ZNF347: variants seen among roughly 807,000 people sequenced by gnomAD.
The protein encoded by ZNF347 is zinc finger protein 347.
A neutral mutation model predicts 12.9 loss-of-function variants in ZNF347; 19 were observed. The observed-to-expected ratio is 1.47, with a 90% CI of 1.03 to 2.16. The LOEUF (loss-of-function observed/expected upper bound fraction) is 2.16, where lower values mean the gene tolerates loss of function less well. Among genes scored for constraint, ZNF347 ranks in the 30% most tolerant of loss-of-function variants. The pLI, the probability that ZNF347 is intolerant of heterozygous loss-of-function variation, is 0.00. For missense variants in ZNF347, 1,005 were observed against 990.6 expected, an observed-to-expected ratio of 1.01 and a Z score of -0.19; for synonymous variants, 328 against 340.6, an observed-to-expected ratio of 0.96 and a Z score of 0.41.
chr19:53,144,954 C>T (rs2090453167), intron 4 of ZNF347, among the ~76,000 whole-genome samples: 1 of 151,646 alleles, frequency 6.6e-6, no homozygotes, highest in South Asian at 2.1e-4. Flanking sequence ...TTTCTGACCA[C>T]AATAAAATAA....
At chr19:53,146,235 A>C (rs2146805107) in intron 4 of ZNF347, among the ~76,000 whole-genome samples, 1 of 152,124 alleles carries the variant, frequency 6.6e-6, no homozygotes, top group African/African-American at 2.4e-5. Context: ...TTAGTCTCCC[A>C]AAGTGCTGGG....
rs760720813 is a variant in ZNF347, at chr19:53,149,359, C to T, written c.24G>A (p.Val8=). 5.0e-6 allele frequency: 8 copies of T among 1,613,878 alleles called. No individual in the cohort carries two copies. In the Admixed American group the frequency reaches 5.0e-5, roughly 10 times the overall value. The part of the protein sequence containing the change: MALTQGQ[V]TFRDVAIEFS... ...ATTCTATAGCCACATCCCTGAATGTCACCTGTCCCTAAAATGAAAAACACA... is the reference window on the plus strand; with the variant it reads ...ATTCTATAGCCACATCCCTGAATGTTACCTGTCCCTAAAATGAAAAACACA... Residue 8 remains valine (V), a synonymous_variant, in exon 3 of 5, where the codon GTG becomes GTA. Coordinates refer to ENST00000334197, the MANE Select transcript of ZNF347 (RefSeq NM_032584.3).
At chr19:53,156,473 C>T (rs1462783730) in intron 1 of ZNF347, among the ~76,000 whole-genome samples, 3 of 152,182 alleles carry the variant, frequency 2.0e-5, no homozygotes, top group Admixed American at 1.3e-4. Context: ...CTGCCCCTCA[C>T]TTCAGACACA....
chr19:53,158,586 G>C (rs2090551059), intron 1 of ZNF347: 1 of 152,206 alleles, frequency 6.6e-6, no homozygotes, highest in African/African-American at 2.4e-5. Flanking sequence ...GGGGTGGAGG[G>C]CGCGGTGCGG....
intron 4 of ZNF347, among the ~76,000 whole-genome samples, chr19:53,147,395 A>C (rs1176404734): frequency 1.3e-5 from 2 of 151,354 alleles, no homozygotes; most frequent in African/African-American, 4.9e-5. Context: ...AAACAAACAA[A>C]CAAAAAAACA....
At chr19:53,154,343 G>C (rs894835981) in intron 1 of ZNF347, among the ~76,000 whole-genome samples, 1 of 151,944 alleles carries the variant, frequency 6.6e-6, no homozygotes, top group Non-Finnish European at 1.5e-5. Context: ...AATAAATTTA[G>C]CCAGGCACGG....
At position 53,140,480 on chromosome 19, in the gene ZNF347, T is replaced by C. The variant is rs573890584; in HGVS notation, c.2348A>G (p.His783Arg). Reference sequence around the variant, plus strand: ...TTTCTCTCCGGTATGAATTCTCTGATGCCTTGCAAGTTTTGAAGTTTGACT... The same window carrying C: ...TTTCTCTCCGGTATGAATTCTCTGACGCCTTGCAAGTTTTGAAGTTTGACT... Reference protein sequence around the residue: ...AFSQTSKLARHQRIHTGEKPY... With the variant: ...AFSQTSKLARRQRIHTGEKPY... Residue 783 changes from histidine to arginine, a missense_variant, in exon 5 of 5, where the codon CAT becomes CGT. Physicochemically the swap from His to Arg is conservative, Grantham distance 29. Transcript: ENST00000334197. 6.5e-5 allele frequency: 105 copies of C among 1,613,818 alleles called. No homozygotes were observed. The highest frequency in any genetic ancestry group is 1.6e-4 in the Middle Eastern group (1 of 6,084).
intron 4 of ZNF347, among the ~76,000 whole-genome samples, chr19:53,143,605 G>A (rs10408593): frequency 0.22 from 33,664 of 150,640 alleles, 4,351 homozygotes; most frequent in African/African-American, 0.35. Flanking sequence ...TATGTGCCAC[G>A]TTTTCTTAAT....
In ZNF347 at chr19:53,135,313, T is replaced by G. The variant is rs1599847457; in HGVS notation, c.*4995A>C. Reference sequence around the variant, plus strand: ...CCCATTTTCTAAATATATATATATATATATATATATATATATATATATATA... The same window carrying G: ...CCCATTTTCTAAATATATATATATAGATATATATATATATATATATATATA... On this transcript the variant is annotated 3_prime_UTR_variant, in exon 5 of 5. Transcript: ENST00000334197. The G allele has an allele frequency of 2.2e-4, 1 of 4,534 alleles. No individual in the cohort carries two copies. Among genetic ancestry groups the G allele is most frequent in the Non-Finnish European group, 7.2e-4 (1 of 1,382 alleles). 0.3% of individuals were successfully genotyped at this position (4,534 alleles called of 1,614,324 possible).
At position 53,142,275 on chromosome 19, in the gene ZNF347, C is replaced by G. The variant is rs184499009; in HGVS notation, c.553G>C (p.Gly185Arg). 80 of 1,613,682 alleles carry G rather than the reference C, an allele frequency of 5.0e-5. 1 individual carries two copies. In the East Asian group the frequency reaches 1.6e-3, roughly 33 times the overall value. ...GGCAGATGTGACTGAAGGCTTAATC[C>G]AAGCTGATTTTTAATAAGCTTGTTT... ...ARNKLIKNQL[G>R]LSLQSHLPEL... Residue 185 changes from glycine (G) to arginine (R), a missense_variant, in exon 5 of 5, where the codon GGA becomes CGA. Gly to Arg is a moderately radical substitution (Grantham distance 125). Coordinates refer to ENST00000334197, the MANE Select transcript of ZNF347 (RefSeq NM_032584.3).
chr19:53,153,831 G>T, intron 1 of ZNF347, 38 bp from the exon 2 acceptor site: 3 of 1,517,872 alleles, frequency 2.0e-6, no homozygotes, highest in South Asian at 1.1e-5. Context: ...AGTCAATATT[G>T]AATATCCAAA....
Position 53,140,622 on chromosome 19 carries a change from GT to G in ZNF347, c.2205del (p.Lys735AsnfsTer71), listed in dbSNP as rs747329533. The G allele has an allele frequency of 1.9e-6, 3 of 1,613,596 alleles. No homozygotes were observed. Among genetic ancestry groups the G allele is most frequent in the South Asian group, 2.2e-5 (2 of 91,058 alleles). ...TTCCCACACTCATTGCATTTGTAAG[GT>G]TTTTTTCCAGTATGGATTGCCTGAT... ...TTHQAIHTGK[K>X]PYKCNECGKV... is the part of the protein sequence containing the mutation. On this transcript the variant is annotated frameshift_variant, in exon 5 of 5. Coordinates refer to ENST00000334197, the MANE Select transcript of ZNF347 (RefSeq NM_032584.3). LOFTEE classifies it low-confidence loss of function (END_TRUNC).
intron 4 of ZNF347, among the ~76,000 whole-genome samples, chr19:53,143,378 TC>T (rs1184364000): frequency 1.1e-3 from 72 of 66,228 alleles, no homozygotes; most frequent in African/African-American, 4.0e-3. Flanking sequence ...CCCTCCCCCC[TC>T]CCCCCACCCC....
rs147340759 is a variant in ZNF347 at position 53,141,889 on chromosome 19, G to C, written c.939C>G (p.Gly313=). The C allele has an allele frequency of 6.2e-7, 1 of 1,612,790 alleles. No homozygotes were observed. Among genetic ancestry groups the C allele is most frequent in the Non-Finnish European group, 8.5e-7 (1 of 1,179,566 alleles). The change falls in exon 5 of 5, where the codon GGC becomes GGG. Residue 313 remains glycine (G), a synonymous_variant. Coordinates refer to ENST00000334197, the MANE Select transcript of ZNF347 (RefSeq NM_032584.3). ...ACTCATTACATTTGTAACGTTTTTCGCCAGTATGGATCACCTGATGGGTAG... is the reference window on the plus strand; with the variant it reads ...ACTCATTACATTTGTAACGTTTTTCCCCAGTATGGATCACCTGATGGGTAG... The part of the protein sequence containing the change: ...NLTTHQVIHT[G]EKRYKCNECG...
chr19:53,156,946 C>T (rs2090539791), intron 1 of ZNF347, among the ~76,000 whole-genome samples: 1 of 152,076 alleles, frequency 6.6e-6, no homozygotes. Flanking sequence ...CACACATTTT[C>T]GTGAGTGGAG....
Position 53,149,303 on chromosome 19 carries a change from G to A in ZNF347, c.80C>T (p.Pro27Leu), listed in dbSNP as rs138834414. The change falls in exon 3 of 5, where the codon CCC becomes CTC. Residue 27 changes from proline to leucine, a missense_variant. Transcript: ENST00000334197. Reference sequence around the variant, plus strand: ...GTCCCTGTACAAAGTCCTCTGAGCGGGGTCCAGGCATGTCCACTCCTCCTG... The same window carrying A: ...GTCCCTGTACAAAGTCCTCTGAGCGAGGTCCAGGCATGTCCACTCCTCCTG... ...FSQEEWTCLD[P>L]AQRTLYRDVM... 1.1e-5 allele frequency: 17 copies of A among 1,613,842 alleles called. No homozygotes were observed. The African/African-American group carries it at 2.1e-4, about 20-fold the overall frequency.
rs1366642938 is a variant in ZNF347 at position 53,135,550 on chromosome 19, T to C, written c.*4758A>G. The C allele has an allele frequency of 6.6e-6, 1 of 152,056 alleles. No homozygotes were observed. The highest frequency in any genetic ancestry group is 6.6e-5 in the Admixed American group (1 of 15,258). 9.4% of individuals were successfully genotyped at this position (152,056 alleles called of 1,614,324 possible). On this transcript the variant is annotated 3_prime_UTR_variant, in exon 5 of 5. Coordinates refer to ENST00000334197, the MANE Select transcript of ZNF347 (RefSeq NM_032584.3). Reference sequence around the variant, plus strand: ...ATCACACCCAGCTAATTTTTGTATTTTTAGTAGAGACGGGGTTTCACCATG... The same window carrying C: ...ATCACACCCAGCTAATTTTTGTATTCTTAGTAGAGACGGGGTTTCACCATG...
chr19:53,158,428 C>T (rs373378709), intron 1 of ZNF347, among the ~76,000 whole-genome samples: 56 of 152,212 alleles, frequency 3.7e-4, no homozygotes, highest in African/African-American at 1.3e-3. Context: ...ACCTCGCGGG[C>T]GAGGACTTTA....
In ZNF347 at chr19:53,141,360, A is replaced by C; in HGVS notation, c.1468T>G (p.Cys490Gly). 6.2e-7 allele frequency: 1 copy of C among 1,613,986 alleles called. No homozygotes were observed. Among genetic ancestry groups the C allele is most frequent in the Non-Finnish European group, 8.5e-7 (1 of 1,179,988 alleles). Residue 490 changes from cysteine to glycine, a missense_variant, in exon 5 of 5, where the codon TGT becomes GGT. Transcript: ENST00000334197. ...TGEKPYKCNECGKAFRAHSNL... is the reference protein window; with the variant it reads ...TGEKPYKCNEGGKAFRAHSNL... Reference sequence around the variant, plus strand: ...GAATGTGCTCTAAAGGCTTTGCCACACTCATTACACTTATAAGGTTTCTCT... The same window carrying C: ...GAATGTGCTCTAAAGGCTTTGCCACCCTCATTACACTTATAAGGTTTCTCT...
Sources: gnomAD v4.1 joint callset for allele counts (sites outside exome capture counted in the v4.1 genomes callset) on GRCh38, gnomAD v4.1.1 for gene constraint, MANE v1.5 for transcripts, NCBI Gene and HGNC (gene_info 2026-07-23, HGNC 2026-07-21) for gene names.